Variants in LTBP2 observed in about 807,000 individuals in gnomAD.
The protein encoded by LTBP2 is latent-transforming growth factor beta-binding protein 2.
LTBP2 carries 103 observed loss-of-function variants against 210.6 expected under a neutral mutation model. That is an observed-to-expected ratio of 0.49 (90% CI 0.42 to 0.58). LTBP2 has a LOEUF of 0.58. Among genes scored for constraint, LTBP2 ranks in the 20% least tolerant of loss-of-function variants. The probability of loss-of-function intolerance (pLI) is 0.00; values close to 1 mark genes in which losing one functional copy is unlikely to be tolerated. For missense variants in LTBP2, 2,313 were observed against 2,494.5 expected, an observed-to-expected ratio of 0.93 and a Z score of 1.55; for synonymous variants, 1,007 against 1,015.0, an observed-to-expected ratio of 0.99 and a Z score of 0.15.
In LTBP2 at chr14:74,612,116, G is replaced by A. The variant is rs2088625048; in HGVS notation, c.-172C>T. 39 of 659,914 alleles carry A rather than the reference G, an allele frequency of 5.9e-5. 1 individual carries two copies. The South Asian group carries it at 9.1e-4, about 15-fold the overall frequency. The allele number at this position is 659,914 out of a possible 1,614,324, so 40.9% of individuals were successfully genotyped here. ...CCCGGCTCTCGGCGGAACGAGGGCT[G>A]CGCGCCCCGAGCCTCGAGTCCGCGC... On this transcript the variant is annotated 5_prime_UTR_variant, in exon 1 of 36. Transcript: ENST00000261978.
At chr14:74,503,440 C>T (rs779245574) in intron 32 of LTBP2, 29 bp downstream of exon 32, 4 of 1,609,318 alleles carry the variant, frequency 2.5e-6, no homozygotes, top group South Asian at 1.1e-5. Flanking sequence ...GTACCCTTCT[C>T]CTGCTCCCCC....
chr14:74,591,514 C>T (rs141189735), intron 2 of LTBP2, among the ~76,000 whole-genome samples: 63 of 152,338 alleles, frequency 4.1e-4, no homozygotes, highest in African/African-American at 1.4e-3. Context: ...TGAGGCAGAG[C>T]CTCCAAGAAG....
Position 74,604,118 on chromosome 14 carries a change from G to A in LTBP2, c.495-413C>T, listed in dbSNP as rs186193026. ...GTGCCAGAGCCTGATTCAAACCTGGGTTGGCCCAACTCTAAGCCATGCTCC... is the reference window on the plus strand; with the variant it reads ...GTGCCAGAGCCTGATTCAAACCTGGATTGGCCCAACTCTAAGCCATGCTCC... On this transcript the variant is annotated intron_variant, in intron 1 of 35. Transcript: ENST00000261978. Among the ~76,000 whole-genome samples the A allele has an allele frequency of 1.4e-4, 20 of 138,526 alleles. No individual in the cohort carries two copies. The East Asian group carries it at 3.1e-3, about 22-fold the overall frequency. 90.9% of individuals were successfully genotyped at this position (138,526 alleles called of 152,430 possible). A position where few individuals can be genotyped will look rare whatever the true frequency, so the allele number is the denominator to read the frequency against.
At position 74,503,318 on chromosome 14, in the gene LTBP2, C is replaced by T. The variant is rs764936879; in HGVS notation, c.4789G>A (p.Glu1597Lys). 1.4e-5 allele frequency: 23 copies of T among 1,613,848 alleles called. No individual in the cohort carries two copies. The highest frequency in any genetic ancestry group is 3.3e-4 in the Middle Eastern group (2 of 6,084). The change falls in exon 33 of 36, where the codon GAA becomes AAA. Residue 1597 changes from glutamate (E) to lysine (K), a missense_variant. Physicochemically the swap from Glu to Lys is moderately conservative, Grantham distance 56. Transcript: ENST00000261978. ...WKKVTNDVCS[E>K]PLRGHRTTYT... ...GTGGTGCGGTGCCCACGCAGGGGTT[C>T]GCTGCACACATCATTGGTGACTTTT... is the stretch of plus-strand genomic sequence containing the variant.
chr14:74,602,005 C>T (rs2088455010), intron 2 of LTBP2, among the ~76,000 whole-genome samples: 1 of 152,168 alleles, frequency 6.6e-6, no homozygotes, highest in African/African-American at 2.4e-5. Context: ...CTGATGTGGA[C>T]CCAAGAGGGG....
chr14:74,514,255 C>T (rs964662479), intron 18 of LTBP2, among the ~76,000 whole-genome samples: 1 of 152,182 alleles, frequency 6.6e-6, no homozygotes, highest in Non-Finnish European at 1.5e-5. Context: ...AATATTCTGT[C>T]TTTGAAGCCA....
chr14:74,504,116 A>C, intron 30 of LTBP2, 62 bp from the exon 31 acceptor site: 5 of 1,593,428 alleles, frequency 3.1e-6, no homozygotes, highest in Non-Finnish European at 4.3e-6. Context: ...TACCTAGAGC[A>C]GGGAATCCAA....
At chr14:74,590,877 T>C (rs2088273606) in intron 2 of LTBP2, among the ~76,000 whole-genome samples, 1 of 151,998 alleles carries the variant, frequency 6.6e-6, no homozygotes, top group South Asian at 2.1e-4. Flanking sequence ...GAAAAAAAAC[T>C]ACATATTGGG....
At position 74,552,969 on chromosome 14, in the gene LTBP2, C is replaced by G. The variant is rs909849767; in HGVS notation, c.1115G>C (p.Ser372Thr). 2 of 1,614,150 alleles carry G rather than the reference C, an allele frequency of 1.2e-6. No homozygotes were observed. Among genetic ancestry groups the G allele is most frequent in the African/African-American group, 2.7e-5 (2 of 75,066 alleles). ...GGTGGTGGTGTCGCCCCTCTCACAG[C>G]TGTTGGCACAGTGTCCACGGGCACA... ...QTCARGHCAN[S>T]CERGDTTTLY... Residue 372 changes from serine to threonine, a missense_variant, in exon 5 of 36, where the codon AGC (serine) becomes ACC (threonine). Physicochemically the swap from Ser to Thr is moderately conservative, Grantham distance 58 (BLOSUM62 1). This residue lies in a region of LTBP2 where 1,867 missense variants were observed against 1,976.9 expected (regional missense o/e 0.94). Transcript: ENST00000261978.
intron 2 of LTBP2, 47 bp downstream of exon 2, chr14:74,603,588 T>G (rs766537261): frequency 8.1e-6 from 13 of 1,600,108 alleles, no homozygotes; most frequent in African/African-American, 1.3e-5. Context: ...GGAATGGCAC[T>G]TCACGTTTGA....
chr14:74,554,805 T>C (rs2087708150), intron 4 of LTBP2, among the ~76,000 whole-genome samples: 1 of 152,140 alleles, frequency 6.6e-6, no homozygotes, highest in South Asian at 2.1e-4. Flanking sequence ...GTTAATTTTA[T>C]GTTATGTGAA....
At chr14:74,542,327 G>A (rs909282502) in intron 8 of LTBP2, among the ~76,000 whole-genome samples, 42 of 152,164 alleles carry the variant, frequency 2.8e-4, no homozygotes, top group African/African-American at 9.7e-4. Context: ...TCTCCCCCTC[G>A]GCTGCTGGGA....
At chr14:74,585,485 G>A (rs944551532) in intron 3 of LTBP2, among the ~76,000 whole-genome samples, 14 of 152,198 alleles carry the variant, frequency 9.2e-5, no homozygotes, top group African/African-American at 3.4e-4. Flanking sequence ...TGCAGAATCC[G>A]AGGCACAGAG....
rs571458452 is a variant in LTBP2 at position 74,513,042 on chromosome 14, C to G, written c.2909-1678G>C. On this transcript the variant is annotated intron_variant, in intron 18 of 35. Transcript: ENST00000261978. ...TGAAGAGAACGAGATTGAGGCAAAG[C>G]TCCTCCTAAATCCATGCCAGGAAAA... Among the ~76,000 whole-genome samples, 187 of 152,328 alleles carry G rather than the reference C, an allele frequency of 1.2e-3. 2 individuals carry two copies. The highest frequency in any genetic ancestry group is 0.011 in the South Asian group (52 of 4,826).
chr14:74,501,177 G>C, intron 35 of LTBP2, 148 bp from the exon 36 acceptor site: 1 of 1,093,416 alleles, frequency 9.1e-7, no homozygotes. Context: ...CCAAAACCAA[G>C]CAACTCAAGG....
chr14:74,540,205 G>A (rs1384717234), intron 8 of LTBP2, among the ~76,000 whole-genome samples: 1 of 152,178 alleles, frequency 6.6e-6, no homozygotes, highest in Non-Finnish European at 1.5e-5. Context: ...GGGCATGGTG[G>A]CTCATGCCTG....
At chr14:74,599,962 G>A (rs913918663) in intron 2 of LTBP2, among the ~76,000 whole-genome samples, 2 of 152,248 alleles carry the variant, frequency 1.3e-5, no homozygotes, top group Non-Finnish European at 2.9e-5. Flanking sequence ...CCCTTCATGT[G>A]TGAAACTGCT....
chr14:74,518,624 G>A (rs551316559), intron 17 of LTBP2, among the ~76,000 whole-genome samples: 3 of 152,248 alleles, frequency 2.0e-5, no homozygotes, highest in Non-Finnish European at 4.4e-5. Context: ...GCCCAGCACA[G>A]AACCCCAATA....
intron 1 of LTBP2, among the ~76,000 whole-genome samples, chr14:74,609,657 C>T (rs2088577654): frequency 6.6e-6 from 1 of 152,202 alleles, no homozygotes; most frequent in African/African-American, 2.4e-5. Flanking sequence ...CCTCTGCTTC[C>T]CCACATGCTG....
Sources: gnomAD v4.1 joint callset for allele counts (sites outside exome capture counted in the v4.1 genomes callset) on GRCh38, gnomAD v4.1.1 for gene constraint, gnomAD v4.1.1 regional missense constraint, MANE v1.5 for transcripts, NCBI Gene and HGNC (gene_info 2026-07-23, HGNC 2026-07-21) for gene names.